Variants in ATP2B2 observed in about 807,000 individuals in gnomAD.
ATP2B2 encodes the protein ATPase plasma membrane Ca2+ transporting 2, also known as plasma membrane calcium-transporting ATPase 2.
ATP2B2 carries 15 observed loss-of-function variants against 120.0 expected under a neutral mutation model. The ratio of observed to expected loss-of-function variants is 0.12; its 90% CI spans 0.08 to 0.19. The LOEUF (loss-of-function observed/expected upper bound fraction) is 0.19, where lower values mean the gene tolerates loss of function less well. ATP2B2 is among the 10% of genes least tolerant of loss of function. ATP2B2 has a pLI of 1.00. For synonymous variants in ATP2B2, 694 were observed against 700.3 expected (o/e 0.99, Z 0.14); for missense variants, 1,045 against 1,719.8 (o/e 0.61, Z 6.94).
chr3:10,440,234 C>T (rs1024301328), intron 2 of ATP2B2, among the ~76,000 whole-genome samples: 7 of 151,532 alleles, frequency 4.6e-5, no homozygotes, highest in Non-Finnish European at 1.0e-4. Context: ...AACCTCAAGG[C>T]ACTGGGGAAC....
intron 2 of ATP2B2, among the ~76,000 whole-genome samples, chr3:10,543,719 A>G (rs1216445322): frequency 6.6e-6 from 1 of 150,466 alleles, no homozygotes; most frequent in African/African-American, 2.4e-5. Context: ...CACAATCAAC[A>G]CTCTTTGAGT....
At chr3:10,538,446 T>C (rs1328292694) in intron 2 of ATP2B2, among the ~76,000 whole-genome samples, 1 of 152,076 alleles carries the variant, frequency 6.6e-6, no homozygotes, top group Non-Finnish European at 1.5e-5. Context: ...TAGACCAATA[T>C]CCCTGATGAA....
intron 1 of ATP2B2, among the ~76,000 whole-genome samples, chr3:10,489,453 CA>C (rs2065853446): frequency 6.6e-6 from 1 of 152,228 alleles, no homozygotes; most frequent in Non-Finnish European, 1.5e-5. Flanking sequence ...GGAGGACTTG[CA>C]TATGCCTTTT....
chr3:10,456,791 G>T (rs1385531020), intron 1 of ATP2B2, among the ~76,000 whole-genome samples: 1 of 152,176 alleles, frequency 6.6e-6, no homozygotes, highest in African/African-American at 2.4e-5. Context: ...ACTACTTATA[G>T]TTCCCATGAG....
intron 3 of ATP2B2, among the ~76,000 whole-genome samples, chr3:10,404,628 C>T (rs1317628891): frequency 6.6e-6 from 1 of 152,210 alleles, no homozygotes; most frequent in East Asian, 1.9e-4. Context: ...CACAGCCTGG[C>T]TTTATGAAGC....
At chr3:10,462,500 G>T (rs2064534655) in intron 1 of ATP2B2, among the ~76,000 whole-genome samples, 1 of 152,204 alleles carries the variant, frequency 6.6e-6, no homozygotes, top group African/African-American at 2.4e-5. Context: ...GACAGTGACT[G>T]CCATTTAGAG....
intron 3 of ATP2B2, among the ~76,000 whole-genome samples, chr3:10,406,904 C>A (rs1368719038): frequency 6.6e-6 from 1 of 152,242 alleles, no homozygotes; most frequent in African/African-American, 2.4e-5. Context: ...CACTGGGTCC[C>A]GAGCCCCTGC....
At chr3:10,616,136 T>C (rs1447239353) in intron 2 of ATP2B2, among the ~76,000 whole-genome samples, 1 of 152,198 alleles carries the variant, frequency 6.6e-6, no homozygotes, top group Non-Finnish European at 1.5e-5. Context: ...GAACAAGCTG[T>C]CCCTGTTACA....
In ATP2B2 at chr3:10,422,308, T is replaced by G. The variant is rs541767757; in HGVS notation, c.200-11493A>C. On this transcript the variant is annotated intron_variant, in intron 2 of 22. Transcript: ENST00000360273. ...GCCTCTGTGGGAAAACAGCTTGTGT[T>G]GCGGGCATCTGCTGTGATATCGGTC... Among the ~76,000 whole-genome samples, 23 of 152,326 alleles carry G rather than the reference T, an allele frequency of 1.5e-4. No individual in the cohort carries two copies. The East Asian group carries it at 3.5e-3, about 23-fold the overall frequency.
At chr3:10,518,680 G>A (rs569959319) in intron 3 of ATP2B2, among the ~76,000 whole-genome samples, 28 of 152,316 alleles carry the variant, frequency 1.8e-4, no homozygotes, top group African/African-American at 5.5e-4. Flanking sequence ...AGAGCCCCTC[G>A]CCTCGCGTAT....
chr3:10,520,423 G>A (rs2066961170), intron 3 of ATP2B2, among the ~76,000 whole-genome samples: 1 of 152,180 alleles, frequency 6.6e-6, no homozygotes, highest in African/African-American at 2.4e-5. Context: ...AATCCTAAAT[G>A]AATGCAGAAG....
At chr3:10,505,599 G>GAGC (rs1378656801), upstream of ATP2B2, 2 of 139,314 alleles carry the variant, frequency 1.4e-5, no homozygotes, top group African/African-American at 5.2e-5. Context: ...CATCCTGCCC[G>GAGC]AGCGGGTGGG....
chr3:10,437,516 CTAACGCCCACTTCT>C (rs1165299371), intron 2 of ATP2B2, among the ~76,000 whole-genome samples: 2 of 152,360 alleles, frequency 1.3e-5, no homozygotes, highest in East Asian at 1.9e-4. Context: ...CTGCCACTTC[CTAACGCCCACTTCT>C]TAACGCCCAC....
At chr3:10,356,155 CGTGTGTGTGTGTGT>C (rs911717639) in intron 14 of ATP2B2, among the ~76,000 whole-genome samples, 2 of 26,512 alleles carry the variant, frequency 7.5e-5, no homozygotes, top group Non-Finnish European at 1.4e-4. Context: ...TGCGTGTGTG[CGTGTGTGTGTGTGT>C]GTGTGTGTGT....
rs542858497 is a variant in ATP2B2, at chr3:10,546,129, C to T, written c.-414-11996G>A. Among the ~76,000 whole-genome samples the T allele has an allele frequency of 2.0e-5, 3 of 152,352 alleles. No individual in the cohort carries two copies. The South Asian group carries it at 6.2e-4, about 32-fold the overall frequency. On this transcript the variant is annotated intron_variant, in intron 2 of 21. Transcript: ENST00000646379. ...GGAAGAAACCATGTTAGTACGCACA[C>T]AGGCACATGCATGCCGGAGGCCAGT...
chr3:10,447,650 G>A lies in ATP2B2; in HGVS notation c.199+1695C>T, dbSNP rs1467522052. Among the ~76,000 whole-genome samples, 8 of 152,156 alleles carry A rather than the reference G, an allele frequency of 5.3e-5. No homozygotes were observed. The East Asian group carries it at 7.7e-4, about 15-fold the overall frequency. ...CACTTGAACAACCCTGCCTGCCAGC[G>A]TCCTCATGTGCCAACCTGATGGTGG... On this transcript the variant is annotated intron_variant, in intron 2 of 22. Coordinates refer to ENST00000360273, the MANE Select transcript of ATP2B2 (RefSeq NM_001001331.4).
intron 2 of ATP2B2, among the ~76,000 whole-genome samples, chr3:10,619,441 A>C (rs1486845296): frequency 6.6e-6 from 1 of 152,016 alleles, no homozygotes; most frequent in Non-Finnish European, 1.5e-5. Context: ...TAATTGAAAA[A>C]CCATCTGATG....
At chr3:10,373,823 C>T (rs1027892896) in intron 11 of ATP2B2, among the ~76,000 whole-genome samples, 2 of 152,168 alleles carry the variant, frequency 1.3e-5, no homozygotes, top group Admixed American at 6.5e-5. Context: ...ATCCTCTTGC[C>T]TCGGCCTCTG....
At chr3:10,367,178 G>A (rs142094580) in intron 12 of ATP2B2, among the ~76,000 whole-genome samples, 1 of 152,120 alleles carries the variant, frequency 6.6e-6, no homozygotes, top group African/African-American at 2.4e-5. Context: ...CTGCAGAAAT[G>A]CCCAGGCCAC....
Sources: gnomAD v4.1 joint callset for allele counts (sites outside exome capture counted in the v4.1 genomes callset) on GRCh38, gnomAD v4.1.1 for gene constraint, MANE v1.5 for transcripts, NCBI Gene and HGNC (gene_info 2026-07-23, HGNC 2026-07-21) for gene names.